The following ALDH7A1 variants were observed in gnomAD, a reference collection of about 807,000 sequenced individuals.
ALDH7A1 encodes the protein aldehyde dehydrogenase 7 family member A1, also known as alpha-aminoadipic semialdehyde dehydrogenase.
A neutral mutation model predicts 79.9 loss-of-function variants in ALDH7A1; 63 were observed. The observed-to-expected ratio is 0.79, with a 90% CI of 0.64 to 0.97. The LOEUF (loss-of-function observed/expected upper bound fraction) is 0.97. ALDH7A1 is among the 50% of genes least tolerant of loss of function. The pLI is 0.00. For missense variants in ALDH7A1, 627 were observed against 665.2 expected (o/e 0.94, Z 0.63); for synonymous variants, 240 against 231.2 (o/e 1.04, Z -0.34).
At chr5:126,545,383 T>C (rs1749751897) in intron 17 of ALDH7A1, among the ~76,000 whole-genome samples, 1 of 151,936 alleles carries the variant, frequency 6.6e-6, no homozygotes, top group Admixed American at 6.5e-5. Flanking sequence ...CAAGCGATTC[T>C]CCTGCCTCAG....
intron 7 of ALDH7A1, among the ~76,000 whole-genome samples, chr5:126,571,850 C>T (rs1197658736): frequency 1.3e-5 from 2 of 152,114 alleles, no homozygotes; most frequent in African/African-American, 2.4e-5. Context: ...GTAAATGCCA[C>T]AGACACAAAA....
intron 10 of ALDH7A1, among the ~76,000 whole-genome samples, chr5:126,559,823 G>A (rs990596574): frequency 6.6e-6 from 1 of 151,988 alleles, no homozygotes; most frequent in Non-Finnish European, 1.5e-5. Context: ...AGACGAGGGG[G>A]AAAGGCACAC....
At chr5:126,572,604 G>A (rs574605872) in intron 7 of ALDH7A1, among the ~76,000 whole-genome samples, 3 of 152,298 alleles carry the variant, frequency 2.0e-5, no homozygotes, top group East Asian at 3.9e-4. Flanking sequence ...TCTGAACTGA[G>A]TATCTATGAG....
At chr5:126,551,935 G>C in intron 14 of ALDH7A1, 86 bp downstream of exon 14, 3 of 1,066,620 alleles carry the variant, frequency 2.8e-6, no homozygotes, top group Non-Finnish European at 4.4e-6. Flanking sequence ...CCCTCTTAAA[G>C]GTTCATCCAG....
In ALDH7A1 at chr5:126,575,439, T is replaced by C. The variant is rs1439144128; in HGVS notation, c.676A>G (p.Ile226Val). Residue 226 changes from isoleucine (I) to valine (V), a missense_variant, in exon 7 of 18, where the codon ATT becomes GTT. By Grantham distance (29) the Ile-to-Val change is conservative. Coordinates refer to ENST00000409134, the MANE Select transcript of ALDH7A1 (RefSeq NM_001182.5). ...LWKGAPTTSL[I>V]SVAVTKIIAK... ...ACTTACTTTGTGACAGCCACACTAA[T>C]GAGGGAAGTGGTTGGAGCTCCTTTC... 5.0e-6 allele frequency: 8 copies of C among 1,613,212 alleles called. No homozygotes were observed. The highest frequency in any genetic ancestry group is 4.5e-5 in the East Asian group (2 of 44,862).
chr5:126,577,999 T>C (rs113394196), intron 5 of ALDH7A1, among the ~76,000 whole-genome samples: 21,178 of 148,900 alleles, frequency 0.14, 1,872 homozygotes, highest in African/African-American at 0.25. Flanking sequence ...AAATGAATTA[T>C]GCAGGCCGGG....
At chr5:126,584,060 T>C (rs1751272710) in intron 3 of ALDH7A1, 48 bp from the exon 4 acceptor site, 1 of 1,450,456 alleles carries the variant, frequency 6.9e-7, no homozygotes, top group Middle Eastern at 1.8e-4. Context: ...CATAAATTCA[T>C]GTTTATAACA....
intron 6 of ALDH7A1, 66 bp downstream of exon 6, chr5:126,577,013 G>A: frequency 6.2e-7 from 1 of 1,600,108 alleles, no homozygotes; most frequent in Non-Finnish European, 8.6e-7. Flanking sequence ...AGAGGCTGAG[G>A]TAGTAGTATC....
rs761295869 is a variant in ALDH7A1 at position 126,559,261 on chromosome 5, C to T, written c.987G>A (p.Arg329=). ...LFAAVGTAGQ[R]CTTARRLFIH... is the part of the protein sequence containing the mutation. ...TCACCAGTCGCCTCGCAGTGGTACA[C>T]CTCTGGCCAGCTGTTCCCACAGCAG... is the stretch of plus-strand genomic sequence containing the variant. The change falls in exon 11 of 18, where the codon AGG becomes AGA. Residue 329 remains arginine, a synonymous_variant. Transcript: ENST00000409134. The T allele has an allele frequency of 1.4e-5, 22 of 1,613,860 alleles. No individual in the cohort carries two copies. Among genetic ancestry groups the T allele is most frequent in the Non-Finnish European group, 1.8e-5 (21 of 1,179,880 alleles).
intron 15 of ALDH7A1, 33 bp from the exon 16 acceptor site, chr5:126,550,035 G>A: frequency 6.2e-7 from 1 of 1,600,012 alleles, no homozygotes; most frequent in Non-Finnish European, 8.6e-7. Context: ...TGAGAGCAAT[G>A]AACAGGAAAT....
chr5:126,589,460 T>C (rs993602449), intron 3 of ALDH7A1, among the ~76,000 whole-genome samples: 1 of 151,984 alleles, frequency 6.6e-6, no homozygotes, highest in Non-Finnish European at 1.5e-5. Flanking sequence ...CTGGTCTATT[T>C]TTTTGTTTTT....
intron 3 of ALDH7A1, chr5:126,586,455 T>C (rs894450805): frequency 5.3e-5 from 8 of 152,252 alleles, no homozygotes; most frequent in Admixed American, 2.0e-4. Context: ...CAAATAATTA[T>C]TGCATATGTT....
chr5:126,585,159 A>G (rs1366464711), intron 3 of ALDH7A1, among the ~76,000 whole-genome samples: 2 of 152,088 alleles, frequency 1.3e-5, no homozygotes, highest in Non-Finnish European at 2.9e-5. Flanking sequence ...TTAGCCGGGC[A>G]TGGTGGCAGG....
chr5:126,560,993 G>A lies in ALDH7A1; in HGVS notation c.913+90C>T, dbSNP rs574745185. On this transcript the variant is annotated intron_variant, in intron 10 of 17. Coordinates refer to ENST00000409134, the MANE Select transcript of ALDH7A1 (RefSeq NM_001182.5). ...GGTCTCAGGCATATGCAACATGGAC[G>A]AAATGAGATCCCAAACAAGTTCCAT... 667 of 1,443,766 alleles carry A rather than the reference G, an allele frequency of 4.6e-4. 3 individuals are homozygous for A. Among genetic ancestry groups the A allele is most frequent in the South Asian group, 3.4e-3 (295 of 85,552 alleles). The allele number at this position is 1,443,766 out of a possible 1,614,324, so 89.4% of individuals were successfully genotyped here.
Position 126,579,263 on chromosome 5 carries a change from C to T in ALDH7A1, c.518-2052G>A, listed in dbSNP as rs745411966. Among the ~76,000 whole-genome samples the T allele has an allele frequency of 3.2e-4, 49 of 152,328 alleles. 1 individual carries two copies. In the Middle Eastern group the frequency reaches 0.01, roughly 32 times the overall value. On this transcript the variant is annotated intron_variant, in intron 5 of 17. Coordinates refer to ENST00000409134, the MANE Select transcript of ALDH7A1 (RefSeq NM_001182.5). ...CTCTCAGCCTTCACACAGGCTTCTT[C>T]CTTCTTTAAAACAACTTCCAGCACT...
chr5:126,554,976 G>A (rs1220929802), intron 12 of ALDH7A1: 2 of 170,622 alleles, frequency 1.2e-5, no homozygotes, highest in Non-Finnish European at 1.3e-5. Flanking sequence ...CCCCACTCTG[G>A]GTGAAGAATG....
At chr5:126,576,618 T>C (rs544934714) in intron 6 of ALDH7A1, among the ~76,000 whole-genome samples, 102 of 152,326 alleles carry the variant, frequency 6.7e-4, no homozygotes, top group African/African-American at 2.4e-3. Context: ...CAGAATTACT[T>C]GGGAGTTCAC....
intron 9 of ALDH7A1, among the ~76,000 whole-genome samples, chr5:126,567,513 AC>A (rs1750625777): frequency 6.6e-6 from 1 of 151,100 alleles, no homozygotes; most frequent in Admixed American, 6.6e-5. Context: ...TCACTCTGTC[AC>A]CCAGGCTGGA....
chr5:126,554,040 G>A (rs1417038993), intron 13 of ALDH7A1, among the ~76,000 whole-genome samples: 2 of 149,590 alleles, frequency 1.3e-5, no homozygotes, highest in Non-Finnish European at 3.0e-5. Flanking sequence ...CCTGGGAGGC[G>A]GAGGTTGCCG....
Sources: gnomAD v4.1 joint callset for allele counts (sites outside exome capture counted in the v4.1 genomes callset) on GRCh38, gnomAD v4.1.1 for gene constraint, MANE v1.5 for transcripts, NCBI Gene and HGNC (gene_info 2026-07-23, HGNC 2026-07-21) for gene names.